The following TGFBR3 variants were observed in gnomAD, a reference collection of about 807,000 sequenced individuals.
The protein encoded by TGFBR3 is transforming growth factor beta receptor type 3.
In TGFBR3, 46 loss-of-function variants were observed where a neutral mutation model predicts 87.9. The ratio of observed to expected loss-of-function variants is 0.52; its 90% CI spans 0.41 to 0.67. The LOEUF is 0.67. Among genes scored for constraint, TGFBR3 ranks in the 30% least tolerant of loss-of-function variants. The pLI is 0.00. For synonymous variants in TGFBR3, 381 were observed against 391.6 expected (o/e 0.97, Z 0.32); for missense variants, 866 against 1,041.9 (o/e 0.83, Z 2.32).
intron 12 of TGFBR3, among the ~76,000 whole-genome samples, chr1:91,715,445 T>C (rs1035149770): frequency 6.6e-6 from 1 of 152,212 alleles, no homozygotes. Flanking sequence ...TGTGCCTCAA[T>C]TTTCTCATCC....
chr1:91,829,668 C>G (rs1676779825), intron 2 of TGFBR3: 1 of 152,158 alleles, frequency 6.6e-6, no homozygotes, highest in Admixed American at 6.5e-5. Flanking sequence ...ATGCTTTGGA[C>G]ACAAGAAAAC....
intron 1 of TGFBR3, among the ~76,000 whole-genome samples, chr1:91,879,331 A>G (rs552964592): frequency 3.9e-5 from 6 of 152,180 alleles, no homozygotes; most frequent in Non-Finnish European, 7.4e-5. Context: ...TCTACATATA[A>G]CTGAATCCTC....
chr1:91,823,214 A>T (rs1676515836), intron 2 of TGFBR3, among the ~76,000 whole-genome samples: 1 of 152,184 alleles, frequency 6.6e-6, no homozygotes, highest in Non-Finnish European at 1.5e-5. Context: ...GGCAGGTGAT[A>T]TCTGAGGTGA....
intron 2 of TGFBR3, among the ~76,000 whole-genome samples, chr1:91,899,433 G>T (rs1679642904): frequency 6.6e-6 from 1 of 151,856 alleles, no homozygotes; most frequent in African/African-American, 2.4e-5. Context: ...TTGAGCCGAG[G>T]AGGTTGAGGC....
At chr1:91,829,976 T>G (rs1223398229) in intron 2 of TGFBR3, 1 of 152,114 alleles carries the variant, frequency 6.6e-6, no homozygotes. Context: ...GACACCTGAT[T>G]GGCATAGTGC....
At chr1:91,782,061 T>C (rs1674788364) in intron 3 of TGFBR3, among the ~76,000 whole-genome samples, 1 of 152,098 alleles carries the variant, frequency 6.6e-6, no homozygotes, top group African/African-American at 2.4e-5. Context: ...CTTCAAACCT[T>C]ATGAAAGCAG....
intron 1 of TGFBR3, among the ~76,000 whole-genome samples, chr1:91,862,829 C>T (rs368546135): frequency 3.3e-5 from 5 of 152,276 alleles, no homozygotes; most frequent in South Asian, 4.2e-4. Flanking sequence ...GTGGCATTTC[C>T]GGGAGCCATC....
At chr1:91,855,565 C>T (rs1196836813) in intron 2 of TGFBR3, among the ~76,000 whole-genome samples, 1 of 152,012 alleles carries the variant, frequency 6.6e-6, no homozygotes, top group South Asian at 2.1e-4. Context: ...TTTGTTTTTG[C>T]CTTTTCAAGT....
chr1:91,712,480 T>C lies in TGFBR3; in HGVS notation c.1929A>G (p.Pro643=), dbSNP rs760131822. ...GFAIQTCFIS[P]YSNPDRMSHY... ...GAGACATCCTATCAGGGTTCGAATATGGAGAGATAAAGCACGTTTGGATGG... is the reference window on the plus strand; with the variant it reads ...GAGACATCCTATCAGGGTTCGAATACGGAGAGATAAAGCACGTTTGGATGG... Residue 643 remains proline (P), a synonymous_variant, in exon 13 of 17, where the codon CCA becomes CCG. Coordinates refer to ENST00000212355, the MANE Select transcript of TGFBR3 (RefSeq NM_003243.5). 3.4e-5 allele frequency: 55 copies of C among 1,614,102 alleles called. No individual in the cohort carries two copies. In the South Asian group the frequency reaches 3.5e-4, roughly 10 times the overall value.
At chr1:91,897,482 T>G (rs1679576975) in intron 2 of TGFBR3, among the ~76,000 whole-genome samples, 1 of 152,228 alleles carries the variant, frequency 6.6e-6, no homozygotes, top group African/African-American at 2.4e-5. Context: ...TTGTATATAT[T>G]GGTTCATTAA....
At position 91,683,136 on chromosome 1, in the gene TGFBR3, T is replaced by A; in HGVS notation, c.*603A>T. 1 of 454,538 alleles carries A rather than the reference T, an allele frequency of 2.2e-6. No individual in the cohort carries two copies. Among genetic ancestry groups the A allele is most frequent in the Non-Finnish European group, 4.4e-6 (1 of 226,790 alleles). The allele number at this position is 454,538 out of a possible 1,614,324, so 28.2% of individuals were successfully genotyped here. ...GAAAGGAATGTTGCCTTAACACTTG[T>A]CAGGGTGCAGTCCCTGAGGGCAGCA... On this transcript the variant is annotated 3_prime_UTR_variant, in exon 17 of 17. Coordinates refer to ENST00000212355, the MANE Select transcript of TGFBR3 (RefSeq NM_003243.5).
In TGFBR3 at chr1:91,882,634, G is replaced by T. The variant is rs902441206; in HGVS notation, c.-114+3244C>A. 2.0e-5 allele frequency among the ~76,000 whole-genome samples: 3 copies of T among 152,116 alleles called. No individual in the cohort carries two copies. In the South Asian group the frequency reaches 6.2e-4, roughly 32 times the overall value. On this transcript the variant is annotated intron_variant, in intron 1 of 16. Coordinates refer to ENST00000212355, the MANE Select transcript of TGFBR3 (RefSeq NM_003243.5). Reference sequence around the variant, plus strand: ...GTGGCGAGTGCCTGTAGTTACAGCTGCTGGGGAGGCTGAGGCAGGAGAATG... The same window carrying T: ...GTGGCGAGTGCCTGTAGTTACAGCTTCTGGGGAGGCTGAGGCAGGAGAATG...
At chr1:91,799,697 C>A (rs530227780) in intron 2 of TGFBR3, among the ~76,000 whole-genome samples, 1 of 152,302 alleles carries the variant, frequency 6.6e-6, no homozygotes, top group South Asian at 2.1e-4. Flanking sequence ...AAGCTCTGAA[C>A]AGGCTGAAAA....
chr1:91,689,733 CTT>C (rs1228292626), intron 16 of TGFBR3, among the ~76,000 whole-genome samples: 4 of 150,330 alleles, frequency 2.7e-5, no homozygotes, highest in African/African-American at 9.8e-5. Flanking sequence ...GCCTGGGTAA[CTT>C]TGAGCTTGTC....
At chr1:91,739,925 A>AAT (rs1421286804) in intron 4 of TGFBR3, among the ~76,000 whole-genome samples, 2 of 152,280 alleles carry the variant, frequency 1.3e-5, no homozygotes, top group East Asian at 3.9e-4. Context: ...CATACTTTTA[A>AAT]ATAACCAGAT....
chr1:91,707,563 C>A (rs1051032381), intron 14 of TGFBR3, among the ~76,000 whole-genome samples: 1 of 152,230 alleles, frequency 6.6e-6, no homozygotes, highest in Admixed American at 6.5e-5. Flanking sequence ...ACCCAGCAGG[C>A]CTTCCAGCTA....
intron 3 of TGFBR3, among the ~76,000 whole-genome samples, chr1:91,761,168 T>C (rs1457434863): frequency 6.6e-6 from 1 of 152,232 alleles, no homozygotes; most frequent in Non-Finnish European, 1.5e-5. Flanking sequence ...GGTCAAAATA[T>C]ATACTACAAA....
Position 91,683,728 on chromosome 1 carries a change from G to C in TGFBR3, c.*11C>G. On this transcript the variant is annotated 3_prime_UTR_variant, in exon 17 of 17. Transcript: ENST00000212355. The stretch of plus-strand genomic sequence containing the variant: ...GCTGGGCTGGGTTGGGCCGGGTTGG[G>C]CTGGGTTGGGCTAGGCCGTGCTGCT... 6.5e-7 allele frequency: 1 copy of C among 1,547,950 alleles called. No individual in the cohort carries two copies. Among genetic ancestry groups the C allele is most frequent in the South Asian group, 1.2e-5 (1 of 84,710 alleles).
chr1:91,694,146 C>A (rs949505539), intron 16 of TGFBR3, among the ~76,000 whole-genome samples: 2 of 152,178 alleles, frequency 1.3e-5, no homozygotes, highest in Non-Finnish European at 2.9e-5. Flanking sequence ...TGCACACCAC[C>A]ACGCCATGCT....
Sources: allele counts gnomAD v4.1 joint callset (sites outside exome capture counted in the v4.1 genomes callset), GRCh38; gene constraint gnomAD v4.1.1; transcripts MANE v1.5; gene names NCBI Gene and HGNC (gene_info 2026-07-23, HGNC 2026-07-21).